The following NFATC1 variants were observed in gnomAD, a reference collection of about 807,000 sequenced individuals.
NFATC1 encodes nuclear factor of activated T-cells, cytoplasmic 1.
In NFATC1, 22 loss-of-function variants were observed where a neutral mutation model predicts 76.0. That is an observed-to-expected ratio of 0.29 (90% CI 0.21 to 0.41). The LOEUF (loss-of-function observed/expected upper bound fraction) is 0.41, where lower values mean the gene tolerates loss of function less well. Ranked by LOEUF, NFATC1 falls within the 10% of genes least tolerant of loss-of-function variation. The probability of loss-of-function intolerance (pLI) is 1.00; values close to 1 mark genes in which losing one functional copy is unlikely to be tolerated. For synonymous variants in NFATC1, 704 were observed against 613.1 expected (o/e 1.15, Z -2.19); for missense variants, 1,357 against 1,337.7 (o/e 1.01, Z -0.23).
At chr18:79,490,707 G>A (rs2089653428) in intron 9 of NFATC1, among the ~76,000 whole-genome samples, 1 of 152,308 alleles carries the variant, frequency 6.6e-6, no homozygotes, top group African/African-American at 2.4e-5. Context: ...GGATGGAGCC[G>A]TAGATGGGTC....
intron 7 of NFATC1, 127 bp downstream of exon 7, chr18:79,461,493 A>C: frequency 1.6e-6 from 1 of 607,376 alleles, no homozygotes; most frequent in Non-Finnish European, 2.5e-6. Flanking sequence ...GAATGAAACA[A>C]ATAAAAATAG....
In NFATC1 at chr18:79,460,388, T is replaced by C. The variant is rs555898638; in HGVS notation, c.1904-923T>C. Among the ~76,000 whole-genome samples the C allele has an allele frequency of 3.7e-4, 56 of 152,312 alleles. 1 individual carries two copies. The highest frequency in any genetic ancestry group is 1.3e-3 in the African/African-American group (55 of 41,564). On this transcript the variant is annotated intron_variant, in intron 6 of 9. Transcript: ENST00000427363. ...AGGCAGGAAGAGACTCTGTAGGAGA[T>C]TGACATCTGTTAATTTGAGATAATT...
Position 79,411,348 on chromosome 18 carries a change from G to A in NFATC1, c.1073G>A (p.Gly358Asp), listed in dbSNP as rs760898446. Residue 358 changes from glycine (G) to aspartate (D), a missense_variant, in exon 2 of 10, where the codon GGC becomes GAC. By Grantham distance (94) the Gly-to-Asp change is moderately conservative. Coordinates refer to ENST00000427363, the MANE Select transcript of NFATC1 (RefSeq NM_001278669.2). ...LKVEPVGEDL[G>D]SPPPPADFAP... The stretch of plus-strand genomic sequence containing the variant: ...GTGGAGCCCGTCGGGGAGGACCTGG[G>A]CAGCCCCCCGCCCCCGGCCGACTTC... 1 of 1,595,144 alleles carries A rather than the reference G, an allele frequency of 6.3e-7. No homozygotes were observed. Among genetic ancestry groups the A allele is most frequent in the Non-Finnish European group, 8.5e-7 (1 of 1,172,722 alleles).
intron 2 of NFATC1, among the ~76,000 whole-genome samples, chr18:79,416,645 C>T (rs977371958): frequency 1.4e-4 from 21 of 152,220 alleles, no homozygotes; most frequent in African/African-American, 3.9e-4. Context: ...CCGAGGGTGT[C>T]GAGTTGCCCC....
At chr18:79,508,625 C>T (rs897490756) in intron 9 of NFATC1, among the ~76,000 whole-genome samples, 3 of 152,102 alleles carry the variant, frequency 2.0e-5, no homozygotes, top group African/African-American at 7.2e-5. Context: ...ATCCCTCTCT[C>T]TGTCTCTGTC....
chr18:79,423,510 T>C lies in NFATC1; in HGVS notation c.1227-10069T>C, dbSNP rs143816488. On this transcript the variant is annotated intron_variant, in intron 2 of 9. Coordinates refer to ENST00000427363, the MANE Select transcript of NFATC1 (RefSeq NM_001278669.2). ...GGGGACAGCAGATCCTGCCCCAGGGTCATTGCCCGTGGCCACATCGGTCCT... is the reference window on the plus strand; with the variant it reads ...GGGGACAGCAGATCCTGCCCCAGGGCCATTGCCCGTGGCCACATCGGTCCT... Among the ~76,000 whole-genome samples the C allele has an allele frequency of 5.3e-4, 80 of 152,212 alleles. 1 individual carries two copies. The Middle Eastern group carries it at 0.017, about 32-fold the overall frequency.
chr18:79,515,296 G>A (rs1342349890), intron 9 of NFATC1, among the ~76,000 whole-genome samples: 9 of 143,032 alleles, frequency 6.3e-5, no homozygotes, highest in Non-Finnish European at 9.0e-5. Flanking sequence ...CAGAGATCGC[G>A]CCACTGCACT....
intron 1 of NFATC1, among the ~76,000 whole-genome samples, chr18:79,406,142 G>A (rs1462012838): frequency 6.6e-6 from 1 of 150,676 alleles, no homozygotes; most frequent in Non-Finnish European, 1.5e-5. Flanking sequence ...TGGTGGGGAG[G>A]CCCCAAGACT....
At chr18:79,478,973 A>G (rs1266414216) in intron 8 of NFATC1, among the ~76,000 whole-genome samples, 1 of 152,208 alleles carries the variant, frequency 6.6e-6, no homozygotes, top group African/African-American at 2.4e-5. Context: ...CTCCACAGAC[A>G]GTCCCCATGG....
At position 79,425,015 on chromosome 18, in the gene NFATC1, C is replaced by G. The variant is rs55801586; in HGVS notation, c.1227-8564C>G. ...TGTCTATCTCTGTGTCTGTCTCTCT[C>G]TCTGTCTCCATCTCTCTCCATCTCT... On this transcript the variant is annotated intron_variant, in intron 2 of 9. Transcript: ENST00000427363. 9.7e-3 allele frequency among the ~76,000 whole-genome samples: 1,469 copies of G among 151,428 alleles called. 22 individuals are homozygous for G. Among genetic ancestry groups the G allele is most frequent in the African/African-American group, 0.033 (1,341 of 41,046 alleles).
intron 3 of NFATC1, among the ~76,000 whole-genome samples, chr18:79,442,544 C>G (rs1281652880): frequency 6.6e-6 from 1 of 152,250 alleles, no homozygotes; most frequent in Non-Finnish European, 1.5e-5. Flanking sequence ...GAAGAAAGCC[C>G]AGACACCTTG....
intron 1 of NFATC1, among the ~76,000 whole-genome samples, chr18:79,397,486 C>T (rs1429509849): frequency 1.3e-5 from 2 of 152,200 alleles, no homozygotes; most frequent in Non-Finnish European, 2.9e-5. Context: ...GCCGTGAGCT[C>T]CACGGAGGGG....
At chr18:79,457,094 C>T (rs2087773130) in intron 6 of NFATC1, among the ~76,000 whole-genome samples, 1 of 152,220 alleles carries the variant, frequency 6.6e-6, no homozygotes. Flanking sequence ...ACATCACTGT[C>T]GCCGTGTGCT....
In NFATC1 at chr18:79,464,706, A is replaced by AT. The variant is rs200598018; in HGVS notation, c.1960-2741dup. 1.5e-3 allele frequency among the ~76,000 whole-genome samples: 126 copies of AT among 81,708 alleles called. 3 individuals carry two copies. Among genetic ancestry groups the AT allele is most frequent in the African/African-American group, 6.0e-3 (104 of 17,270 alleles). 53.6% of individuals were successfully genotyped at this position (81,708 alleles called of 152,430 possible). A position where few individuals can be genotyped will look rare whatever the true frequency, so the allele number is the denominator to read the frequency against. Reference sequence around the variant, plus strand: ...TGTATATATATATATTTATTTATTTATTTATTTTTTTTTTTTTGAGACAGG... The same window carrying AT: ...TGTATATATATATATTTATTTATTTATTTTATTTTTTTTTTTTTGAGACAGG... On this transcript the variant is annotated intron_variant, in intron 7 of 9. Coordinates refer to ENST00000427363, the MANE Select transcript of NFATC1 (RefSeq NM_001278669.2).
Position 79,465,776 on chromosome 18 carries a change from G to GCTT in NFATC1, c.1960-1673_1960-1672insTTC, listed in dbSNP as rs1408013770. ...AATTCAGAAAACAGCCTTGGAGGAA[G>GCTT]CGTCTCTTTATCCCCCGTACAAATG... On this transcript the variant is annotated intron_variant, in intron 7 of 9. Transcript: ENST00000427363. This position sits in a 1 kb window ranked among gnomAD's most constrained non-coding sequence, Gnocchi z 4.2. 0.014 allele frequency among the ~76,000 whole-genome samples: 2,127 copies of GCTT among 152,352 alleles called. 53 individuals carry two copies. The highest frequency in any genetic ancestry group is 0.049 in the African/African-American group (2,042 of 41,574).
intron 3 of NFATC1, among the ~76,000 whole-genome samples, chr18:79,436,271 C>T (rs1304431543): frequency 3.9e-5 from 6 of 152,246 alleles, no homozygotes; most frequent in Non-Finnish European, 7.3e-5. Context: ...GTAGTGGGCG[C>T]TGCGGGCGGC....
At chr18:79,451,586 C>T (rs1014181803) in intron 5 of NFATC1, 90 bp from the exon 6 acceptor site, 22 of 1,361,114 alleles carry the variant, frequency 1.6e-5, no homozygotes, top group African/African-American at 7.4e-5. Flanking sequence ...CTGGGTGGGT[C>T]GGCTCACGTG....
Position 79,450,132 on chromosome 18 carries a change from G to A in NFATC1, c.1590-822G>A, listed in dbSNP as rs575480092. Among the ~76,000 whole-genome samples, 62 of 152,330 alleles carry A rather than the reference G, an allele frequency of 4.1e-4. 1 individual carries two copies. In the East Asian group the frequency reaches 0.011, roughly 27 times the overall value. On this transcript the variant is annotated intron_variant, in intron 4 of 9. Coordinates refer to ENST00000427363, the MANE Select transcript of NFATC1 (RefSeq NM_001278669.2). ...CAGAAAGGGTGGCCGGGAGACGCCC[G>A]CAGCCAGGACCGCGCTCCAGCCCTG...
At chr18:79,432,243 CTGGTTCTGAAGA>C (rs1218366302) in intron 2 of NFATC1, among the ~76,000 whole-genome samples, 1 of 152,102 alleles carries the variant, frequency 6.6e-6, no homozygotes, top group Non-Finnish European at 1.5e-5. Flanking sequence ...GCCAGAGGGG[CTGGTTCTGAAGA>C]TGGGGGAGTC....
Sources: gnomAD v4.1 joint callset for allele counts (sites outside exome capture counted in the v4.1 genomes callset) on GRCh38, gnomAD v4.1.1 for gene constraint, Gnocchi (gnomAD v3.1) non-coding constraint, MANE v1.5 for transcripts, NCBI Gene and HGNC (gene_info 2026-07-23, HGNC 2026-07-21) for gene names.